Variants in KANK1 observed in about 807,000 individuals in gnomAD.
KANK1 encodes the protein KN motif and ankyrin repeat domains 1.
Under a neutral mutation model 106.2 loss-of-function variants are expected in KANK1, and 109 were observed. That is an observed-to-expected ratio of 1.03 (90% CI 0.88 to 1.20). The LOEUF (loss-of-function observed/expected upper bound fraction) is 1.20. KANK1 is among the 50% of genes most tolerant of loss of function. The pLI is 0.00. For synonymous variants in KANK1, 873 were observed against 652.2 expected, an observed-to-expected ratio of 1.34 and a Z score of -5.16; for missense variants, 2,399 against 1,710.7, an observed-to-expected ratio of 1.40 and a Z score of -7.10.
At chr9:548,089 T>A (rs1384851849) in intron 1 of KANK1, among the ~76,000 whole-genome samples, 2 of 152,232 alleles carry the variant, frequency 1.3e-5, no homozygotes, top group Non-Finnish European at 2.9e-5. Context: ...TTCTCATGTA[T>A]TTCATGGTTT....
At chr9:508,819 T>C (rs1563689014) in intron 1 of KANK1, among the ~76,000 whole-genome samples, 1 of 146,312 alleles carries the variant, frequency 6.8e-6, no homozygotes, top group Non-Finnish European at 1.5e-5. Context: ...GTTTCCAGTT[T>C]CTTACATGGT....
chr9:654,872 T>C (rs181705988), intron 1 of KANK1, among the ~76,000 whole-genome samples: 1 of 151,864 alleles, frequency 6.6e-6, no homozygotes. Context: ...GAAAAAGAAA[T>C]GTGGTTTTCT....
intron 3 of KANK1, among the ~76,000 whole-genome samples, chr9:715,851 A>T (rs2131094451): frequency 6.6e-6 from 1 of 152,330 alleles, no homozygotes; most frequent in Non-Finnish European, 1.5e-5. Context: ...CATTTTTGTT[A>T]TCTGGCATTT....
intron 1 of KANK1, among the ~76,000 whole-genome samples, chr9:548,288 G>A (rs1367583874): frequency 2.0e-5 from 3 of 152,086 alleles, no homozygotes; most frequent in Admixed American, 6.5e-5. Context: ...CAAAAGATCC[G>A]CCAGGGAAGA....
At chr9:679,956 A>T (rs547549675) in intron 2 of KANK1, among the ~76,000 whole-genome samples, 1 of 152,324 alleles carries the variant, frequency 6.6e-6, no homozygotes, top group Admixed American at 6.5e-5. Flanking sequence ...GCGGGTTATA[A>T]ATACACTTCT....
chr9:696,663 T>C (rs1821390696), intron 2 of KANK1, among the ~76,000 whole-genome samples: 1 of 152,138 alleles, frequency 6.6e-6, no homozygotes, highest in South Asian at 2.1e-4. Context: ...GGCTAAATTG[T>C]TGACATTTCG....
At chr9:637,894 T>A (rs948419585) in intron 1 of KANK1, among the ~76,000 whole-genome samples, 3 of 151,966 alleles carry the variant, frequency 2.0e-5, no homozygotes, top group Non-Finnish European at 1.5e-5. Flanking sequence ...GCTTTTGGGG[T>A]TGGTTGATTC....
At chr9:508,327 G>A (rs1441366870) in intron 1 of KANK1, among the ~76,000 whole-genome samples, 1 of 151,652 alleles carries the variant, frequency 6.6e-6, no homozygotes, top group African/African-American at 2.4e-5. Flanking sequence ...AGTAGAAACG[G>A]GGTTTCTCCA....
chr9:526,678 G>A (rs955942058), intron 1 of KANK1, among the ~76,000 whole-genome samples: 1 of 151,800 alleles, frequency 6.6e-6, no homozygotes, highest in Admixed American at 6.6e-5. Context: ...TTTCTGCCCT[G>A]CTTTTCCCAC....
At chr9:674,141 A>T (rs1045056482) in intron 1 of KANK1, 2 of 152,088 alleles carry the variant, frequency 1.3e-5, no homozygotes, top group African/African-American at 4.8e-5. Flanking sequence ...CACAGAGGTT[A>T]TTGCTCTCCA....
chr9:685,769 T>C (rs1467536408), intron 2 of KANK1, among the ~76,000 whole-genome samples: 1 of 152,248 alleles, frequency 6.6e-6, no homozygotes, highest in Admixed American at 6.5e-5. Flanking sequence ...ACATGATCTC[T>C]GTTAGGCAGA....
chr9:648,477 AATTT>A (rs1840203771), intron 1 of KANK1, among the ~76,000 whole-genome samples: 1 of 152,132 alleles, frequency 6.6e-6, no homozygotes. Flanking sequence ...TTTTTTATGA[AATTT>A]ATCCATTCAT....
intron 1 of KANK1, among the ~76,000 whole-genome samples, chr9:642,589 T>C (rs1204927284): frequency 6.6e-6 from 1 of 150,878 alleles, no homozygotes; most frequent in Non-Finnish European, 1.5e-5. Flanking sequence ...AGAGAGATGG[T>C]TTATATTTTT....
At chr9:663,794 T>C (rs1843924299) in intron 1 of KANK1, among the ~76,000 whole-genome samples, 1 of 152,200 alleles carries the variant, frequency 6.6e-6, no homozygotes, top group South Asian at 2.1e-4. Flanking sequence ...TTTTAACCTG[T>C]TCCTTGGCAG....
Position 530,896 on chromosome 9 carries a change from C to T in KANK1, c.-84+26142C>T, listed in dbSNP as rs1587554981. Among the ~76,000 whole-genome samples the T allele has an allele frequency of 2.6e-5, 4 of 152,110 alleles. No homozygotes were observed. In the South Asian group the frequency reaches 8.3e-4, roughly 32 times the overall value. ...CCAGCTACTTGGCAGGCTGAGGCTG[C>T]AGTGAGTCATGATTGTGGCACTGCA... On this transcript the variant is annotated intron_variant, in intron 1 of 11. Coordinates refer to ENST00000382297, the MANE Select transcript of KANK1 (RefSeq NM_015158.5).
chr9:584,800 A>G (rs1181286067), intron 1 of KANK1, among the ~76,000 whole-genome samples: 15 of 152,188 alleles, frequency 9.9e-5, no homozygotes, highest in African/African-American at 3.4e-4. Flanking sequence ...AGGGAAGAAG[A>G]GCAAGCTTGG....
At chr9:619,934 C>G (rs555643067) in intron 1 of KANK1, among the ~76,000 whole-genome samples, 3 of 151,862 alleles carry the variant, frequency 2.0e-5, no homozygotes, top group Non-Finnish European at 2.9e-5. Context: ...GTCAGGAGTT[C>G]GAGACCAGCC....
rs142649905 is a variant in KANK1 at position 512,222 on chromosome 9, T to C, written c.-84+7468T>C. Among the ~76,000 whole-genome samples, 341 of 147,054 alleles carry C rather than the reference T, an allele frequency of 2.3e-3. 1 individual carries two copies. The highest frequency in any genetic ancestry group is 8.7e-3 in the African/African-American group (323 of 37,340). On this transcript the variant is annotated intron_variant, in intron 1 of 11. Coordinates refer to ENST00000382297, the MANE Select transcript of KANK1 (RefSeq NM_015158.5). Reference sequence around the variant, plus strand: ...TTACTAAGGGCTCTCCAGAGAAACATAACCAATAGTGTGTGTGTGTGTGTG... The same window carrying C: ...TTACTAAGGGCTCTCCAGAGAAACACAACCAATAGTGTGTGTGTGTGTGTG...
At chr9:505,061 C>G (rs1289492377) in intron 1 of KANK1, among the ~76,000 whole-genome samples, 1 of 151,842 alleles carries the variant, frequency 6.6e-6, no homozygotes, top group East Asian at 1.9e-4. Flanking sequence ...AGAGGCGCGC[C>G]GGGCACGGAG....
Sources: allele counts gnomAD v4.1 joint callset (sites outside exome capture counted in the v4.1 genomes callset), GRCh38; gene constraint gnomAD v4.1.1; transcripts MANE v1.5; gene names NCBI Gene and HGNC (gene_info 2026-07-23, HGNC 2026-07-21).